Variants in ZNF280D observed in about 807,000 individuals in gnomAD.
The protein encoded by ZNF280D is suppressor of hairy wing homolog 4.
In ZNF280D, 39 loss-of-function variants were observed where a neutral mutation model predicts 94.7. That is an observed-to-expected ratio of 0.41 (90% CI 0.32 to 0.54). The LOEUF is 0.54. ZNF280D is among the 20% of genes least tolerant of loss of function. ZNF280D has a pLI of 0.22. For missense variants in ZNF280D, 1,090 were observed against 1,149.3 expected, an observed-to-expected ratio of 0.95 and a Z score of 0.75; for synonymous variants, 398 against 377.6, an observed-to-expected ratio of 1.05 and a Z score of -0.63.
chr15:56,707,212 G>A, intron 2 of ZNF280D, 51 bp downstream of exon 2: 1 of 1,599,854 alleles, frequency 6.3e-7, no homozygotes, highest in Non-Finnish European at 8.5e-7. Context: ...ATTGAAACAT[G>A]AAACTTGGGA....
chr15:56,720,550 T>C (rs572231886), intron 1 of ZNF280D, among the ~76,000 whole-genome samples: 1 of 152,286 alleles, frequency 6.6e-6, no homozygotes, highest in South Asian at 2.1e-4. Context: ...GAATGGTGAC[T>C]CCTTTCCAGA....
At chr15:56,698,659 CAAAGGTG>C (rs2056887058) in intron 6 of ZNF280D, 1 of 152,150 alleles carries the variant, frequency 6.6e-6, no homozygotes, top group South Asian at 2.1e-4. Flanking sequence ...TAGAACACAA[CAAAGGTG>C]ACAGGATATA....
chr15:56,642,367 A>G (rs1422845996), intron 20 of ZNF280D, among the ~76,000 whole-genome samples: 1 of 151,718 alleles, frequency 6.6e-6, no homozygotes, highest in Non-Finnish European at 1.5e-5. Flanking sequence ...ACTTCATTAC[A>G]CTCAAAAAGA....
rs1238933726 is a variant in ZNF280D, at chr15:56,707,281, C to T, written c.-60G>A. ...AACTCACCATGTGACTCCAGACAAG[C>T]CAGCAAGTTATTTCTGTTTTCCTTC... On this transcript the variant is annotated 5_prime_UTR_variant, in exon 2 of 22. Coordinates refer to ENST00000267807, the MANE Select transcript of ZNF280D (RefSeq NM_017661.4). 1 of 1,536,140 alleles carries T rather than the reference C, an allele frequency of 6.5e-7. No homozygotes were observed. The highest frequency in any genetic ancestry group is 2.0e-5 in the Admixed American group (1 of 51,216).
chr15:56,678,377 A>G (rs1255217366), intron 11 of ZNF280D, among the ~76,000 whole-genome samples: 1 of 152,220 alleles, frequency 6.6e-6, no homozygotes, highest in African/African-American at 2.4e-5. Flanking sequence ...CAATGATTTA[A>G]TATTTTAAAA....
At chr15:56,646,343 T>C (rs899198564) in intron 19 of ZNF280D, among the ~76,000 whole-genome samples, 12 of 152,072 alleles carry the variant, frequency 7.9e-5, no homozygotes, top group Admixed American at 7.2e-4. Flanking sequence ...GGCAGGAGAA[T>C]TGCTTGAGCC....
chr15:56,665,961 C>A (rs532853231), intron 16 of ZNF280D, among the ~76,000 whole-genome samples: 1 of 151,972 alleles, frequency 6.6e-6, no homozygotes, highest in Non-Finnish European at 1.5e-5. Flanking sequence ...CATGGTGAAA[C>A]CCTGTCTCTA....
chr15:56,696,503 C>A (rs1427519010), intron 6 of ZNF280D, among the ~76,000 whole-genome samples: 1 of 152,174 alleles, frequency 6.6e-6, no homozygotes, highest in African/African-American at 2.4e-5. Context: ...CCAGGTCTGA[C>A]TGATTACAAA....
At chr15:56,722,313 T>C (rs12595822) in intron 1 of ZNF280D, among the ~76,000 whole-genome samples, 75,262 of 152,104 alleles carry the variant, frequency 0.49, 20,012 homozygotes, top group East Asian at 0.61. Context: ...GCTCACGCTG[T>C]TGGAAAAATG....
At chr15:56,714,718 C>G (rs972419885) in intron 1 of ZNF280D, among the ~76,000 whole-genome samples, 2 of 152,082 alleles carry the variant, frequency 1.3e-5, no homozygotes, top group Admixed American at 1.3e-4. Flanking sequence ...AGAATTAGCA[C>G]GTTAATTCTC....
chr15:56,654,021 T>G, intron 19 of ZNF280D, 177 bp downstream of exon 19: 2 of 1,455,778 alleles, frequency 1.4e-6, no homozygotes, highest in Middle Eastern at 2.7e-4. Flanking sequence ...CAACTTGTCT[T>G]GCACCAGGTC....
At chr15:56,704,642 A>G (rs531280235) in intron 3 of ZNF280D, among the ~76,000 whole-genome samples, 1 of 152,330 alleles carries the variant, frequency 6.6e-6, no homozygotes, top group South Asian at 2.1e-4. Context: ...TAAGAATAAT[A>G]GGCAACAGGT....
In ZNF280D at chr15:56,730,832, C is replaced by A. The variant is rs373493598; in HGVS notation, c.-86+2626G>T. ...GCTCCCAACTGTGTTTATCAGATTA[C>A]TGCAGGTAAATTCCTACCAACTACT... On this transcript the variant is annotated intron_variant, in intron 1 of 21. Transcript: ENST00000267807. Among the ~76,000 whole-genome samples, 10 of 152,356 alleles carry A rather than the reference C, an allele frequency of 6.6e-5. No homozygotes were observed. The East Asian group carries it at 9.6e-4, about 15-fold the overall frequency.
chr15:56,700,185 T>C (rs1012134170), intron 6 of ZNF280D: 15 of 979,094 alleles, frequency 1.5e-5, no homozygotes, highest in Non-Finnish European at 1.8e-5. Flanking sequence ...AGTGTACATT[T>C]ATACACAACA....
chr15:56,706,799 AT>A (rs1276004780), intron 3 of ZNF280D, among the ~76,000 whole-genome samples: 10 of 152,236 alleles, frequency 6.6e-5, no homozygotes, highest in African/African-American at 2.2e-4. Flanking sequence ...TAGCTTTATA[AT>A]TTTTTTAGAA....
In ZNF280D at chr15:56,632,049, T is replaced by C. The variant is rs1566921729; in HGVS notation, c.2389A>G (p.Thr797Ala). Residue 797 changes from threonine to alanine, a missense_variant, in exon 22 of 22, where the codon ACA becomes GCA. Physicochemically the swap from Thr to Ala is moderately conservative, Grantham distance 58. Around this residue, in one of 3 missense-constraint regions of ZNF280D, gnomAD observed 577 missense variants for 568.8 expected, o/e 1.01. Transcript: ENST00000267807. ...ACTGTTATGCTTTCTTCACTTTTTG[T>C]TGTTGATGAGCCTTCAAATGAATTT... ...NANSFEGSSTTKSEESITVSD... is the reference protein window; with the variant it reads ...NANSFEGSSTAKSEESITVSD... 5 of 1,612,706 alleles carry C rather than the reference T, an allele frequency of 3.1e-6. No homozygotes were observed. The highest frequency in any genetic ancestry group is 4.2e-6 in the Non-Finnish European group (5 of 1,179,392).
rs141889578 is a variant in ZNF280D, at chr15:56,646,143, C to A, written c.2214-3146G>T. Among the ~76,000 whole-genome samples, 28 of 152,222 alleles carry A rather than the reference C, an allele frequency of 1.8e-4. No individual in the cohort carries two copies. The East Asian group carries it at 5.4e-3, about 29-fold the overall frequency. ...CCAGTAATCATGACCTTCAACTTAG[C>A]CCAGGCGTGGTGCCACATGCCTGTA... On this transcript the variant is annotated intron_variant, in intron 19 of 21. Coordinates refer to ENST00000267807, the MANE Select transcript of ZNF280D (RefSeq NM_017661.4).
chr15:56,732,225 C>CT (rs1240470072), intron 1 of ZNF280D, among the ~76,000 whole-genome samples: 1 of 152,188 alleles, frequency 6.6e-6, no homozygotes, highest in Non-Finnish European at 1.5e-5. Context: ...CCCTGAGGCT[C>CT]TGTTTCCTCG....
At chr15:56,701,860 C>T (rs1298122319) in intron 4 of ZNF280D, among the ~76,000 whole-genome samples, 2 of 152,100 alleles carry the variant, frequency 1.3e-5, no homozygotes, top group East Asian at 3.8e-4. Context: ...AAATTTACCA[C>T]TACACCAGAA....
Sources: allele counts gnomAD v4.1 joint callset (sites outside exome capture counted in the v4.1 genomes callset), GRCh38; gene constraint gnomAD v4.1.1; regional missense constraint gnomAD v4.1.1; transcripts MANE v1.5; gene names NCBI Gene and HGNC (gene_info 2026-07-23, HGNC 2026-07-21).